Variants in SLCO4C1 observed in about 807,000 individuals in gnomAD.
SLCO4C1 encodes solute carrier organic anion transporter family member 4C1.
Under a neutral mutation model 72.1 loss-of-function variants are expected in SLCO4C1, and 58 were observed. That is an observed-to-expected ratio of 0.80 (90% CI 0.65 to 1.00). SLCO4C1 has a LOEUF of 1.00. SLCO4C1 is among the 50% of genes least tolerant of loss of function. The probability of loss-of-function intolerance (pLI) is 0.00; values close to 1 mark genes in which losing one functional copy is unlikely to be tolerated. For synonymous variants in SLCO4C1, 297 were observed against 312.5 expected (o/e 0.95, Z 0.52); for missense variants, 898 against 857.9 (o/e 1.05, Z -0.58).
At position 102,270,899 on chromosome 5, in the gene SLCO4C1, CTTAT is replaced by C. The variant is rs1384695223; in HGVS notation, c.620-97_620-94del. The C allele has an allele frequency of 5.4e-6, 5 of 930,880 alleles. No homozygotes were observed. The African/African-American group carries it at 8.5e-5, about 16-fold the overall frequency. 57.7% of individuals were successfully genotyped at this position (930,880 alleles called of 1,614,324 possible). On this transcript the variant is annotated intron_variant, in intron 2 of 12. Transcript: ENST00000310954. ...TTACACTTGCCTAATATAATATAAC[CTTAT>C]TTATTTCTTCCAATCATTTTACTTT...
Position 102,296,266 on chromosome 5 carries a change from TGGA to T in SLCO4C1, c.-7_-5del. ...CAATACCTTTGGCGCTCTTCATGTC[TGGA>T]TGGGTTCTCCCGACTCCGGTGCTTC... On this transcript the variant is annotated 5_prime_UTR_variant, in exon 1 of 13. Coordinates refer to ENST00000310954, the MANE Select transcript of SLCO4C1 (RefSeq NM_180991.5). 1 of 1,521,804 alleles carries T rather than the reference TGGA, an allele frequency of 6.6e-7. No individual in the cohort carries two copies. Among genetic ancestry groups the T allele is most frequent in the Non-Finnish European group, 8.8e-7 (1 of 1,135,502 alleles). The allele number at this position is 1,521,804 out of a possible 1,614,324, so 94.3% of individuals were successfully genotyped here. A position where few individuals can be genotyped will look rare whatever the true frequency, so the allele number is the denominator to read the frequency against.
chr5:102,292,110 C>T (rs905223343), intron 1 of SLCO4C1, among the ~76,000 whole-genome samples: 1 of 152,144 alleles, frequency 6.6e-6, no homozygotes, highest in South Asian at 2.1e-4. Context: ...CAGGTGTGAG[C>T]CAACGCGCCT....
intron 12 of SLCO4C1, among the ~76,000 whole-genome samples, chr5:102,237,670 C>A (rs557034293): frequency 8.6e-4 from 131 of 152,110 alleles, no homozygotes; most frequent in African/African-American, 3.0e-3. Context: ...TTGCAAGCAA[C>A]CAAAAGTCAA....
chr5:102,256,269 C>A (rs573714296), intron 8 of SLCO4C1, among the ~76,000 whole-genome samples: 1 of 152,266 alleles, frequency 6.6e-6, no homozygotes, highest in East Asian at 1.9e-4. Flanking sequence ...GAACACTCAG[C>A]ATTAATGTAA....
chr5:102,257,791 A>G, intron 7 of SLCO4C1, 152 bp downstream of exon 7: 1 of 676,270 alleles, frequency 1.5e-6, no homozygotes, highest in Non-Finnish European at 2.4e-6. Flanking sequence ...GCTAATTTTT[A>G]TGTTTTTTGG....
chr5:102,279,226 AT>A (rs1749309044), intron 2 of SLCO4C1, among the ~76,000 whole-genome samples: 1 of 152,008 alleles, frequency 6.6e-6, no homozygotes, highest in African/African-American at 2.4e-5. Flanking sequence ...ATATACATAA[AT>A]TTGACAACTT....
intron 5 of SLCO4C1, among the ~76,000 whole-genome samples, chr5:102,261,210 C>T (rs1026490428): frequency 2.0e-5 from 3 of 151,992 alleles, no homozygotes; most frequent in African/African-American, 7.2e-5. Flanking sequence ...GTCAGGAGTT[C>T]GAGACCAGCC....
chr5:102,259,802 A>C (rs1748901905), intron 6 of SLCO4C1, among the ~76,000 whole-genome samples: 1 of 152,184 alleles, frequency 6.6e-6, no homozygotes, highest in Admixed American at 6.5e-5. Flanking sequence ...GGAAAATGTC[A>C]TGGAATAATG....
chr5:102,284,855 T>C (rs1749421892), intron 2 of SLCO4C1, among the ~76,000 whole-genome samples: 1 of 152,172 alleles, frequency 6.6e-6, no homozygotes, highest in South Asian at 2.1e-4. Context: ...TTTTCCTACT[T>C]ATTTTTCTCT....
chr5:102,236,872 C>G lies in SLCO4C1; in HGVS notation c.2161G>C (p.Val721Leu). 6.2e-7 allele frequency: 1 copy of G among 1,611,264 alleles called. No individual in the cohort carries two copies. Among genetic ancestry groups the G allele is most frequent in the African/African-American group, 1.3e-5 (1 of 74,924 alleles). ...CTTTTCCCATTTCACCCTTCTTTTA[C>G]TATTTTGTTGAGATCCTGTTCTGCT... ...VLAEQDLNKI[V>L]KEG Residue 721 changes from valine to leucine, a missense_variant, in exon 13 of 13, where the codon GTA becomes CTA. Val to Leu is a conservative substitution (Grantham distance 32, BLOSUM62 1). Coordinates refer to ENST00000310954, the MANE Select transcript of SLCO4C1 (RefSeq NM_180991.5).
In SLCO4C1 at chr5:102,258,074, T is replaced by C. The variant is rs755387797; in HGVS notation, c.1142A>G (p.Asn381Ser). Residue 381 changes from asparagine (N) to serine (S), a missense_variant, in exon 7 of 13, where the codon AAT becomes AGT. Physicochemically the swap from Asn to Ser is conservative, Grantham distance 46. Transcript: ENST00000310954. ...FPAALKNLMK[N>S]AVFMCLVLST... The stretch of plus-strand genomic sequence containing the variant: ...TAGAACTAAACACATAAAGACAGCA[T>C]TCTTCATCAAATTCTAAAGAAAAAA... 3 of 1,551,680 alleles carry C rather than the reference T, an allele frequency of 1.9e-6. No homozygotes were observed. The highest frequency in any genetic ancestry group is 4.3e-5 in the Admixed American group (2 of 45,982).
chr5:102,263,559 A>G (rs777046043), intron 4 of SLCO4C1, 125 bp downstream of exon 4: 39 of 694,706 alleles, frequency 5.6e-5, no homozygotes, highest in Non-Finnish European at 7.2e-5. Context: ...TTTGTATTCA[A>G]TTTTGTTTCC....
rs868262534 is a variant in SLCO4C1 at position 102,261,701 on chromosome 5, T to A, written c.1021+211A>T. Among the ~76,000 whole-genome samples, 28 of 152,274 alleles carry A rather than the reference T, an allele frequency of 1.8e-4. No individual in the cohort carries two copies. The Middle Eastern group carries it at 0.01, about 55-fold the overall frequency. ...CTAAAGAGGTAAATATTCATAGTTT[T>A]ATTATTAATTGGAAATTAAAAAAAC... On this transcript the variant is annotated intron_variant, in intron 5 of 12. Transcript: ENST00000310954.
intron 2 of SLCO4C1, among the ~76,000 whole-genome samples, chr5:102,287,847 C>T (rs1200265839): frequency 6.6e-6 from 1 of 152,018 alleles, no homozygotes; most frequent in Non-Finnish European, 1.5e-5. Flanking sequence ...AGTCATTGCG[C>T]CCGGCCAGGT....
chr5:102,243,378 A>G (rs1031783112), intron 10 of SLCO4C1, among the ~76,000 whole-genome samples: 2 of 152,198 alleles, frequency 1.3e-5, no homozygotes, highest in Non-Finnish European at 2.9e-5. Flanking sequence ...AGTAGTTACA[A>G]AAGACCTTGG....
At chr5:102,283,662 T>C (rs2112393551) in intron 2 of SLCO4C1, among the ~76,000 whole-genome samples, 1 of 151,160 alleles carries the variant, frequency 6.6e-6, no homozygotes, top group African/African-American at 2.4e-5. Context: ...CAACTACGCC[T>C]ATGGCCACTT....
intron 3 of SLCO4C1, among the ~76,000 whole-genome samples, chr5:102,268,297 A>T (rs775227345): frequency 5.9e-5 from 9 of 152,022 alleles, no homozygotes; most frequent in African/African-American, 9.7e-5. Flanking sequence ...TATAATTGCT[A>T]TATCTTCTTA....
At position 102,237,539 on chromosome 5, in the gene SLCO4C1, G is replaced by C. The variant is rs1034824845; in HGVS notation, c.2015-521C>G. Reference sequence around the variant, plus strand: ...ACGTGAGAGGATCGCTTCACCCCTAGAGGTGGAGGTTGCAGTGAGCTGAGA... The same window carrying C: ...ACGTGAGAGGATCGCTTCACCCCTACAGGTGGAGGTTGCAGTGAGCTGAGA... On this transcript the variant is annotated intron_variant, in intron 12 of 12. Transcript: ENST00000310954. Among the ~76,000 whole-genome samples the C allele has an allele frequency of 2.6e-5, 4 of 152,096 alleles. 1 individual carries two copies. The highest frequency in any genetic ancestry group is 2.0e-4 in the Admixed American group (3 of 15,270).
At chr5:102,260,410 G>A (rs970336037) in intron 5 of SLCO4C1, 91 bp from the exon 6 acceptor site, 14 of 250,520 alleles carry the variant, frequency 5.6e-5, no homozygotes, top group Admixed American at 3.6e-4. Context: ...ATAAGTAAAC[G>A]TGCTCTATCA....
Sources: allele counts gnomAD v4.1 joint callset (sites outside exome capture counted in the v4.1 genomes callset), GRCh38; gene constraint gnomAD v4.1.1; transcripts MANE v1.5; gene names NCBI Gene and HGNC (gene_info 2026-07-23, HGNC 2026-07-21).